Variants in APBA1 observed in about 807,000 individuals in gnomAD.
The protein encoded by APBA1 is amyloid beta precursor protein binding family A member 1.
In APBA1, 55 loss-of-function variants were observed where a neutral mutation model predicts 86.6. That is an observed-to-expected ratio of 0.64 (90% CI 0.51 to 0.80). The LOEUF is 0.80. Among genes scored for constraint, APBA1 ranks in the 30% least tolerant of loss-of-function variants. APBA1 has a pLI of 0.00. For synonymous variants in APBA1, 511 were observed against 493.9 expected (o/e 1.03, Z -0.46); for missense variants, 1,090 against 1,183.0 (o/e 0.92, Z 1.15).
chr9:69,612,799 G>A (rs563385459), intron 1 of APBA1, among the ~76,000 whole-genome samples: 29 of 152,062 alleles, frequency 1.9e-4, no homozygotes, highest in Non-Finnish European at 3.7e-4. Context: ...GGTCATTAAA[G>A]GTTACTTCAA....
rs1192992471 is a variant in APBA1 at position 69,483,157 on chromosome 9, C to CA, written c.1201-7015dup. 5.5e-3 allele frequency among the ~76,000 whole-genome samples: 403 copies of CA among 73,322 alleles called. 2 individuals are homozygous for CA. Among genetic ancestry groups the CA allele is most frequent in the South Asian group, 0.019 (39 of 2,064 alleles). The allele number at this position is 73,322 out of a possible 152,430, so 48.1% of individuals were successfully genotyped here. On this transcript the variant is annotated intron_variant, in intron 2 of 12. Coordinates refer to ENST00000265381, the MANE Select transcript of APBA1 (RefSeq NM_001163.4). ...AAGTCAAAAAAACAAAAAAACGAAA[C>CA]AAAAAAAAAAAAAAAGAATTCCACA... is the stretch of plus-strand genomic sequence containing the variant.
At chr9:69,497,268 A>G (rs913390479) in intron 2 of APBA1, among the ~76,000 whole-genome samples, 11 of 152,036 alleles carry the variant, frequency 7.2e-5, no homozygotes, top group African/African-American at 2.4e-4. Flanking sequence ...GAAGAGGAGG[A>G]TCCACATGCC....
rs373528998 is a variant in APBA1 at position 69,657,035 on chromosome 9, C to CG, written c.-70+15117dup. On this transcript the variant is annotated intron_variant, in intron 1 of 12. Transcript: ENST00000265381. ...TAATTTTTTGTATTTTTAGTAGAGA[C>CG]GGGGTTTCACCGTGTTAGCCAGGAT... Among the ~76,000 whole-genome samples, 757 of 151,996 alleles carry CG rather than the reference C, an allele frequency of 5.0e-3. 12 individuals carry two copies. Among genetic ancestry groups the CG allele is most frequent in the African/African-American group, 0.017 (713 of 41,452 alleles).
intron 2 of APBA1, among the ~76,000 whole-genome samples, chr9:69,508,965 C>G (rs1292369562): frequency 4.7e-5 from 7 of 149,724 alleles, no homozygotes; most frequent in Non-Finnish European, 1.0e-4. Context: ...CAAGAGAAAG[C>G]AGGAAAGATC....
At chr9:69,488,450 G>T (rs1330353238) in intron 2 of APBA1, among the ~76,000 whole-genome samples, 1 of 152,060 alleles carries the variant, frequency 6.6e-6, no homozygotes, top group Non-Finnish European at 1.5e-5. Context: ...GTAAACTAAG[G>T]TTATATTTAT....
chr9:69,606,464 G>A (rs937821003), intron 1 of APBA1, among the ~76,000 whole-genome samples: 2 of 142,150 alleles, frequency 1.4e-5, no homozygotes, highest in African/African-American at 5.1e-5. Context: ...TTGACACAGT[G>A]AGTGAGGGAG....
chr9:69,616,022 C>T (rs577968129), intron 1 of APBA1, among the ~76,000 whole-genome samples: 2 of 152,184 alleles, frequency 1.3e-5, no homozygotes, highest in African/African-American at 4.8e-5. Context: ...CTCTTTCCCC[C>T]CTTAATGCTA....
chr9:69,651,010 C>A (rs900015790), intron 1 of APBA1, among the ~76,000 whole-genome samples: 2 of 152,060 alleles, frequency 1.3e-5, no homozygotes, highest in African/African-American at 4.8e-5. Flanking sequence ...TGAAAATAAC[C>A]TAGATTTCTA....
chr9:69,499,508 AC>A (rs1399081720), intron 2 of APBA1, among the ~76,000 whole-genome samples: 3 of 152,084 alleles, frequency 2.0e-5, no homozygotes, highest in African/African-American at 7.2e-5. Context: ...AGAATCCTTC[AC>A]AAAAAATGGC....
chr9:69,660,854 T>C (rs1228756634), intron 1 of APBA1, among the ~76,000 whole-genome samples: 3 of 152,106 alleles, frequency 2.0e-5, no homozygotes, highest in African/African-American at 7.2e-5. Context: ...GTGCATATTT[T>C]GAAAGGACAA....
At chr9:69,585,491 G>T (rs546435605) in intron 1 of APBA1, among the ~76,000 whole-genome samples, 1 of 152,306 alleles carries the variant, frequency 6.6e-6, no homozygotes, top group East Asian at 1.9e-4. Context: ...GATGCCTCAT[G>T]GGCCAGACAA....
At chr9:69,672,512 C>T (rs1359425822), upstream of APBA1, among the ~76,000 whole-genome samples, 1 of 147,298 alleles carries the variant, frequency 6.8e-6, no homozygotes, top group African/African-American at 2.4e-5. Flanking sequence ...AGTAGCGCCC[C>T]TGCCTCCCTC....
intron 1 of APBA1, among the ~76,000 whole-genome samples, chr9:69,518,144 TACA>T (rs1275056376): frequency 6.6e-6 from 1 of 152,084 alleles, no homozygotes; most frequent in Non-Finnish European, 1.5e-5. Flanking sequence ...TCCAACACAA[TACA>T]ACAATAAAAA....
intron 1 of APBA1, among the ~76,000 whole-genome samples, chr9:69,579,615 G>T (rs984046797): frequency 2.6e-4 from 40 of 152,286 alleles, no homozygotes; most frequent in African/African-American, 8.2e-4. Context: ...GTAATGGAAG[G>T]GGCTGGGGAA....
intron 1 of APBA1, among the ~76,000 whole-genome samples, chr9:69,556,785 T>C (rs142268918): frequency 2.6e-5 from 4 of 152,304 alleles, no homozygotes; most frequent in Admixed American, 2.6e-4. Flanking sequence ...CAGACTGATA[T>C]CTAATGTGCA....
chr9:69,648,259 C>T (rs1340594101), intron 1 of APBA1, among the ~76,000 whole-genome samples: 2 of 152,206 alleles, frequency 1.3e-5, no homozygotes, highest in East Asian at 3.8e-4. Context: ...ATAAAACTCT[C>T]TCCTAGAGAC....
At chr9:69,470,334 A>G (rs1835347481) in intron 4 of APBA1, among the ~76,000 whole-genome samples, 2 of 152,196 alleles carry the variant, frequency 1.3e-5, no homozygotes, top group South Asian at 4.1e-4. Flanking sequence ...CTTTCGGAAC[A>G]TGGTTTCCCT....
intron 1 of APBA1, among the ~76,000 whole-genome samples, chr9:69,556,688 C>A (rs1347086225): frequency 6.6e-6 from 1 of 152,172 alleles, no homozygotes; most frequent in Non-Finnish European, 1.5e-5. Context: ...TGTTTTATTT[C>A]TTTTGTGTCA....
intron 11 of APBA1, among the ~76,000 whole-genome samples, chr9:69,439,687 A>T (rs1233348641): frequency 6.6e-6 from 1 of 151,730 alleles, no homozygotes; most frequent in Non-Finnish European, 1.5e-5. Flanking sequence ...CATTCGTCTA[A>T]TTTTTTTTCA....
Sources: allele counts gnomAD v4.1 joint callset (sites outside exome capture counted in the v4.1 genomes callset), GRCh38; gene constraint gnomAD v4.1.1; transcripts MANE v1.5; gene names NCBI Gene and HGNC (gene_info 2026-07-23, HGNC 2026-07-21).